Variants in GFOD1 observed in about 807,000 individuals in gnomAD.
GFOD1 encodes the protein glucose-fructose oxidoreductase domain-containing protein 1.
A neutral mutation model predicts 25.4 loss-of-function variants in GFOD1; 9 were observed. That is an observed-to-expected ratio of 0.35 (90% CI 0.21 to 0.62). The LOEUF (loss-of-function observed/expected upper bound fraction) is 0.62. Ranked by LOEUF, GFOD1 falls within the 20% of genes least tolerant of loss-of-function variation. The pLI is 0.72. For synonymous variants in GFOD1, 253 were observed against 245.6 expected (o/e 1.03, Z -0.28); for missense variants, 403 against 556.9 (o/e 0.72, Z 2.78).
At chr6:13,482,892 A>G (rs1260624943) in intron 1 of GFOD1, among the ~76,000 whole-genome samples, 1 of 151,470 alleles carries the variant, frequency 6.6e-6, no homozygotes, top group Non-Finnish European at 1.5e-5. Flanking sequence ...AAATATATGC[A>G]TATATTTTAT....
chr6:13,478,053 G>T (rs1417496169), intron 1 of GFOD1, among the ~76,000 whole-genome samples: 3 of 131,198 alleles, frequency 2.3e-5, no homozygotes, highest in Non-Finnish European at 4.9e-5. Context: ...AACAGAGTGA[G>T]AATCTATCTC....
chr6:13,384,973 C>G (rs922586345), intron 1 of GFOD1, among the ~76,000 whole-genome samples: 1 of 152,154 alleles, frequency 6.6e-6, no homozygotes, highest in Non-Finnish European at 1.5e-5. Context: ...TCTCAAAAGG[C>G]AGACTCACAG....
chr6:13,424,624 T>C (rs1786320156), intron 1 of GFOD1, among the ~76,000 whole-genome samples: 1 of 152,250 alleles, frequency 6.6e-6, no homozygotes, highest in Non-Finnish European at 1.5e-5. Context: ...ATAATCATTA[T>C]TTTGTTTTAA....
At chr6:13,380,507 G>A (rs911430692) in intron 1 of GFOD1, among the ~76,000 whole-genome samples, 8 of 152,132 alleles carry the variant, frequency 5.3e-5, no homozygotes, top group South Asian at 2.1e-4. Flanking sequence ...GGGTGCTGGC[G>A]GGAGCAGCTT....
In GFOD1 at chr6:13,486,669, G is replaced by C; in HGVS notation, c.222C>G (p.Pro74=). Residue 74 remains proline (P), a synonymous_variant, in exon 1 of 2, where the codon CCC becomes CCG. Coordinates refer to ENST00000379287, the MANE Select transcript of GFOD1 (RefSeq NM_018988.4). ...TTTTGACAGCGATCTGTCTGGTGAG[G>C]GGCGGCGGCAGGTTAATGCACACCA... ...VDLVCINLPP[P]LTRQIAVKTL... The C allele has an allele frequency of 2.1e-5, 34 of 1,614,102 alleles. No individual in the cohort carries two copies. Among genetic ancestry groups the C allele is most frequent in the Non-Finnish European group, 2.9e-5 (34 of 1,179,998 alleles).
intron 1 of GFOD1, among the ~76,000 whole-genome samples, chr6:13,447,740 CAAAAAAAAA>C (rs34431944): frequency 6.6e-4 from 21 of 31,920 alleles, no homozygotes; most frequent in South Asian, 2.4e-3. Flanking sequence ...GACTCCTTCT[CAAAAAAAAA>C]AAAAAAAAAA....
intron 1 of GFOD1, among the ~76,000 whole-genome samples, chr6:13,476,212 T>A (rs1758621443): frequency 6.6e-6 from 1 of 152,200 alleles, no homozygotes; most frequent in South Asian, 2.1e-4. Flanking sequence ...AGATGGTGAA[T>A]GGATAAACAA....
intron 1 of GFOD1, among the ~76,000 whole-genome samples, chr6:13,412,703 G>C (rs1466880223): frequency 1.3e-5 from 2 of 152,232 alleles, no homozygotes; most frequent in Non-Finnish European, 2.9e-5. Context: ...GTGGCAACAG[G>C]CCTGCCTTCT....
chr6:13,374,466 T>C (rs1584610875), intron 1 of GFOD1, among the ~76,000 whole-genome samples: 1 of 151,836 alleles, frequency 6.6e-6, no homozygotes, highest in East Asian at 1.9e-4. Flanking sequence ...GTAATGCACC[T>C]GGCTCATTTT....
chr6:13,485,190 A>T (rs1758836797), intron 1 of GFOD1, among the ~76,000 whole-genome samples: 1 of 152,248 alleles, frequency 6.6e-6, no homozygotes, highest in African/African-American at 2.4e-5. Context: ...GAATTCTATC[A>T]GATGTTGCAT....
intron 1 of GFOD1, among the ~76,000 whole-genome samples, chr6:13,409,153 G>GGAAGAAAGAAA (rs1786011655): frequency 2.3e-5 from 1 of 44,444 alleles, no homozygotes; most frequent in African/African-American, 6.5e-5. Flanking sequence ...AAGAAAGAGA[G>GGAAGAAAGAAA]GAAAGAAAGA....
chr6:13,401,678 T>A (rs1261740449), intron 1 of GFOD1, among the ~76,000 whole-genome samples: 3 of 152,064 alleles, frequency 2.0e-5, no homozygotes, highest in Non-Finnish European at 4.4e-5. Flanking sequence ...TCAAAGAAGA[T>A]CTTAATCACT....
At chr6:13,419,385 C>T (rs1408078051) in intron 1 of GFOD1, among the ~76,000 whole-genome samples, 4 of 152,178 alleles carry the variant, frequency 2.6e-5, no homozygotes, top group African/African-American at 4.8e-5. Context: ...TGACATTGAT[C>T]GCCCTACAAT....
At position 13,430,704 on chromosome 6, in the gene GFOD1, T is replaced by C. The variant is rs1193248099; in HGVS notation, c.253+55934A>G. On this transcript the variant is annotated intron_variant, in intron 1 of 1. Transcript: ENST00000379287. The surrounding 1 kb of genome is among the most constrained non-coding windows in gnomAD (Gnocchi z 4.1). ...GGACAGCGGGTAGGGAAAAGTATCCTTGTGGCCTCCAGCACAGCCTCCAGA... is the reference window on the plus strand; with the variant it reads ...GGACAGCGGGTAGGGAAAAGTATCCCTGTGGCCTCCAGCACAGCCTCCAGA... Among the ~76,000 whole-genome samples, 2 of 152,016 alleles carry C rather than the reference T, an allele frequency of 1.3e-5. No individual in the cohort carries two copies. The highest frequency in any genetic ancestry group is 6.6e-5 in the Admixed American group (1 of 15,258).
intron 1 of GFOD1, among the ~76,000 whole-genome samples, chr6:13,374,103 C>T (rs1785203190): frequency 6.6e-6 from 1 of 152,148 alleles, no homozygotes; most frequent in African/African-American, 2.4e-5. Flanking sequence ...GTCTACACAA[C>T]CAGGTACTTG....
Position 13,365,422 on chromosome 6 carries a change from T to C in GFOD1, c.494A>G (p.Asp165Gly). The change falls in exon 2 of 2, where the codon GAC becomes GGC. Residue 165 changes from aspartate to glycine, a missense_variant. Asp to Gly is a moderately conservative substitution (Grantham distance 94). Transcript: ENST00000379287. The surrounding 1 kb of genome is among the most constrained non-coding windows in gnomAD (Gnocchi z 9.2). ...LLGKKYNWSC[D>G]DLMGGGGLHS... ...CAGGCCGCCGCCGCCCATCAAGTCG[T>C]CGCAGCTCCAGTTGTACTTCTTGCC... 1 of 1,613,982 alleles carries C rather than the reference T, an allele frequency of 6.2e-7. No homozygotes were observed.
chr6:13,417,167 C>T (rs899581257), intron 1 of GFOD1, among the ~76,000 whole-genome samples: 12 of 152,180 alleles, frequency 7.9e-5, no homozygotes, highest in African/African-American at 2.9e-4. Context: ...ACTCCATGTT[C>T]GGGGACTTCG....
chr6:13,407,444 T>A (rs1785967489), intron 1 of GFOD1, among the ~76,000 whole-genome samples: 1 of 152,180 alleles, frequency 6.6e-6, no homozygotes. Context: ...CTTGCCTTTC[T>A]TTGTCCCCAT....
At chr6:13,391,290 C>T (rs962960624) in intron 1 of GFOD1, among the ~76,000 whole-genome samples, 2 of 151,874 alleles carry the variant, frequency 1.3e-5, no homozygotes, top group Non-Finnish European at 2.9e-5. Context: ...AAGAAATTGG[C>T]CATTTGAAAC....
Sources: gnomAD v4.1 joint callset for allele counts (sites outside exome capture counted in the v4.1 genomes callset) on GRCh38, gnomAD v4.1.1 for gene constraint, Gnocchi (gnomAD v3.1) non-coding constraint, MANE v1.5 for transcripts, NCBI Gene and HGNC (gene_info 2026-07-23, HGNC 2026-07-21) for gene names.